Variants in SYT9 observed in about 807,000 individuals in gnomAD.
SYT9 encodes synaptotagmin-9.
SYT9 carries 22 observed loss-of-function variants against 48.4 expected under a neutral mutation model. The ratio of observed to expected loss-of-function variants is 0.45; its 90% CI spans 0.32 to 0.65. The LOEUF (loss-of-function observed/expected upper bound fraction) is 0.65, where lower values mean the gene tolerates loss of function less well. Ranked by LOEUF, SYT9 falls within the 30% of genes least tolerant of loss-of-function variation. The pLI, the probability that SYT9 is intolerant of heterozygous loss-of-function variation, is 0.03. For missense variants in SYT9, 577 were observed against 622.0 expected (o/e 0.93, Z 0.77); for synonymous variants, 265 against 245.0 (o/e 1.08, Z -0.76).
chr11:7,361,704 C>T (rs1208903417), intron 3 of SYT9, among the ~76,000 whole-genome samples: 1 of 152,132 alleles, frequency 6.6e-6, no homozygotes, highest in Non-Finnish European at 1.5e-5. Flanking sequence ...ATTATATCTT[C>T]CTGGCAAATT....
At chr11:7,321,315 C>G (rs1306323638) in intron 3 of SYT9, among the ~76,000 whole-genome samples, 1 of 81,038 alleles carries the variant, frequency 1.2e-5, no homozygotes, top group African/African-American at 3.5e-5. Flanking sequence ...TTCTGTCTCC[C>G]AAAGGCCTGA....
intron 3 of SYT9, among the ~76,000 whole-genome samples, chr11:7,395,158 C>T (rs376483181): frequency 6.6e-6 from 1 of 152,028 alleles, no homozygotes; most frequent in Non-Finnish European, 1.5e-5. Context: ...TCTCTTATCC[C>T]TCACCCACCT....
At chr11:7,249,985 C>T (rs761826840), upstream of SYT9, among the ~76,000 whole-genome samples, 1 of 152,200 alleles carries the variant, frequency 6.6e-6, no homozygotes, top group African/African-American at 2.4e-5. Flanking sequence ...AATCTTTCCT[C>T]CTGTTCTCAT....
At chr11:7,426,119 T>C (rs987841346) in intron 6 of SYT9, among the ~76,000 whole-genome samples, 3 of 152,172 alleles carry the variant, frequency 2.0e-5, no homozygotes, top group Non-Finnish European at 4.4e-5. Context: ...TATTTTCTCC[T>C]CTTCCTAGGA....
intron 6 of SYT9, chr11:7,441,348 G>C (rs1356071642): frequency 3.9e-5 from 6 of 152,210 alleles, no homozygotes; most frequent in African/African-American, 4.8e-5. Context: ...CCACTGAGGA[G>C]ATGTTTCCTG....
intron 1 of SYT9, among the ~76,000 whole-genome samples, chr11:7,277,516 C>T (rs1254312769): frequency 6.6e-6 from 1 of 151,496 alleles, no homozygotes; most frequent in Admixed American, 6.6e-5. Flanking sequence ...AGATTACATC[C>T]ATTTTTTTTT....
At chr11:7,409,686 T>C (rs931589461) in intron 3 of SYT9, among the ~76,000 whole-genome samples, 2 of 152,164 alleles carry the variant, frequency 1.3e-5, no homozygotes, top group Admixed American at 1.3e-4. Flanking sequence ...TGTGATGATC[T>C]TTTGTATTTC....
At chr11:7,348,704 T>C (rs907869218) in intron 3 of SYT9, among the ~76,000 whole-genome samples, 1 of 143,018 alleles carries the variant, frequency 7.0e-6, no homozygotes, top group African/African-American at 2.6e-5. Flanking sequence ...TTTTTTTTTT[T>C]TTTTTTTTTT....
intron 1 of SYT9, among the ~76,000 whole-genome samples, chr11:7,270,593 C>T (rs1848276345): frequency 1.3e-5 from 2 of 152,110 alleles, no homozygotes; most frequent in South Asian, 4.1e-4. Flanking sequence ...TTCAGGACTT[C>T]AGGACATTGA....
chr11:7,355,272 A>G lies in SYT9; in HGVS notation c.1044+41331A>G, dbSNP rs573035869. On this transcript the variant is annotated intron_variant, in intron 3 of 6. Transcript: ENST00000318881. ...ACTAATGACCTACAGGTATGCTGAG[A>G]TACAAATTTCCCCTCAGCTTTGTGG... Among the ~76,000 whole-genome samples the G allele has an allele frequency of 2.5e-3, 381 of 152,298 alleles. 2 individuals are homozygous for G. The highest frequency in any genetic ancestry group is 3.6e-3 in the Non-Finnish European group (244 of 68,022).
chr11:7,239,231 A>T (rs947960737), intron 1 of SYT9, among the ~76,000 whole-genome samples: 20 of 152,180 alleles, frequency 1.3e-4, no homozygotes, highest in African/African-American at 4.6e-4. Flanking sequence ...AGCTCCCCTA[A>T]CAGGAAGTGC....
At chr11:7,374,176 G>A (rs1004159082) in intron 3 of SYT9, among the ~76,000 whole-genome samples, 2 of 151,986 alleles carry the variant, frequency 1.3e-5, no homozygotes. Flanking sequence ...GCCGTGTTTG[G>A]TTTTCTGTTC....
chr11:7,428,005 A>G (rs1159061594), intron 6 of SYT9: 6 of 152,218 alleles, frequency 3.9e-5, no homozygotes, highest in African/African-American at 1.2e-4. Flanking sequence ...AGGGCCATTC[A>G]GACCTTCCCA....
At chr11:7,359,416 G>A (rs1214593454) in intron 3 of SYT9, among the ~76,000 whole-genome samples, 4 of 50,002 alleles carry the variant, frequency 8.0e-5, no homozygotes, top group Admixed American at 2.6e-4. Context: ...GATCCCTGAG[G>A]AATCGCCACA....
chr11:7,368,872 C>A (rs1850300379), intron 3 of SYT9, among the ~76,000 whole-genome samples: 2 of 151,856 alleles, frequency 1.3e-5, no homozygotes, highest in South Asian at 4.2e-4. Flanking sequence ...ATTTTTTTAT[C>A]CAGTCTGTCA....
At chr11:7,408,290 G>A (rs973693323) in intron 3 of SYT9, among the ~76,000 whole-genome samples, 3 of 151,914 alleles carry the variant, frequency 2.0e-5, no homozygotes, top group South Asian at 2.1e-4. Context: ...CACCATGCCC[G>A]GCTAATTTTG....
At chr11:7,374,308 A>T (rs1850415457) in intron 3 of SYT9, among the ~76,000 whole-genome samples, 1 of 152,028 alleles carries the variant, frequency 6.6e-6, no homozygotes, top group Admixed American at 6.5e-5. Context: ...CATTTTCTTT[A>T]TTCAGTCTAT....
At chr11:7,368,169 T>C (rs1850287262) in intron 3 of SYT9, among the ~76,000 whole-genome samples, 1 of 152,224 alleles carries the variant, frequency 6.6e-6, no homozygotes, top group Non-Finnish European at 1.5e-5. Flanking sequence ...TTTTAACTAA[T>C]TTTTCCCAAA....
At chr11:7,318,143 A>T (rs974232428) in intron 3 of SYT9, among the ~76,000 whole-genome samples, 6 of 152,020 alleles carry the variant, frequency 3.9e-5, no homozygotes, top group Non-Finnish European at 7.4e-5. Flanking sequence ...AAAGCCTATA[A>T]TTTTCTACGT....
Sources: allele counts gnomAD v4.1 joint callset (sites outside exome capture counted in the v4.1 genomes callset), GRCh38; gene constraint gnomAD v4.1.1; transcripts MANE v1.5; gene names NCBI Gene and HGNC (gene_info 2026-07-23, HGNC 2026-07-21).